ABCD3: variants seen among roughly 807,000 people sequenced by gnomAD.
ABCD3 encodes ATP binding cassette subfamily D member 3, also known as ATP-binding cassette sub-family D member 3.
ABCD3 carries 41 observed loss-of-function variants against 105.5 expected under a neutral mutation model. The observed-to-expected ratio is 0.39, with a 90% CI of 0.30 to 0.50. ABCD3 has a LOEUF of 0.50. Ranked by LOEUF, ABCD3 falls within the 20% of genes least tolerant of loss-of-function variation. ABCD3 has a pLI of 0.84. For synonymous variants in ABCD3, 258 were observed against 269.0 expected (o/e 0.96, Z 0.40); for missense variants, 622 against 806.3 (o/e 0.77, Z 2.77).
chr1:94,501,215 C>CA (rs1465668746), intron 20 of ABCD3, among the ~76,000 whole-genome samples: 1 of 142,342 alleles, frequency 7.0e-6, no homozygotes, highest in Non-Finnish European at 1.5e-5. Context: ...GAGCCAAGAT[C>CA]ATGCCACTAC....
At chr1:94,444,331 CAAAA>C (rs35583952) in intron 1 of ABCD3, among the ~76,000 whole-genome samples, 2 of 93,436 alleles carry the variant, frequency 2.1e-5, no homozygotes, top group Non-Finnish European at 4.0e-5. Flanking sequence ...GACTCCATCT[CAAAA>C]AAAAAAAAAA....
chr1:94,468,899 A>G (rs1648300826), intron 4 of ABCD3, among the ~76,000 whole-genome samples: 1 of 152,196 alleles, frequency 6.6e-6, no homozygotes, highest in East Asian at 1.9e-4. Flanking sequence ...TATAAGGATT[A>G]AAGCCTTGAA....
chr1:94,466,347 A>G (rs2100978293), intron 3 of ABCD3, among the ~76,000 whole-genome samples: 1 of 152,214 alleles, frequency 6.6e-6, no homozygotes, highest in Admixed American at 6.5e-5. Flanking sequence ...TGTTCTCACT[A>G]TATCTTACCT....
chr1:94,456,346 C>T (rs181010097), intron 1 of ABCD3, among the ~76,000 whole-genome samples: 146 of 123,324 alleles, frequency 1.2e-3, no homozygotes, highest in African/African-American at 4.2e-3. Context: ...ACAATCTCAG[C>T]TTGCTGCAAC....
chr1:94,506,924 CATTTAT>C (rs1553174036), intron 21 of ABCD3, among the ~76,000 whole-genome samples: 3 of 151,380 alleles, frequency 2.0e-5, no homozygotes, highest in Non-Finnish European at 4.4e-5. Flanking sequence ...AAAGATATCT[CATTTAT>C]ATATAAATGA....
intron 21 of ABCD3, among the ~76,000 whole-genome samples, chr1:94,509,371 G>C (rs950785588): frequency 2.4e-4 from 37 of 152,164 alleles, no homozygotes; most frequent in Middle Eastern, 3.4e-3. Flanking sequence ...TTTTGATGTG[G>C]TGCTGGATTC....
intron 20 of ABCD3, 123 bp from the exon 21 acceptor site, chr1:94,506,415 T>C: frequency 1.5e-6 from 1 of 648,336 alleles, no homozygotes. Context: ...ATTTTTTGAA[T>C]TAGAATAATT....
At chr1:94,467,803 A>G in intron 3 of ABCD3, 116 bp from the exon 4 acceptor site, 1 of 708,916 alleles carries the variant, frequency 1.4e-6, no homozygotes, top group Non-Finnish European at 2.5e-6. Context: ...TCAGCCAACT[A>G]TATTGAAACT....
chr1:94,453,698 T>C (rs1166963483), intron 1 of ABCD3, among the ~76,000 whole-genome samples: 2 of 151,706 alleles, frequency 1.3e-5, no homozygotes, highest in East Asian at 3.9e-4. Context: ...ATAAGAAGTC[T>C]TTTACCTTTT....
chr1:94,426,070 A>G (rs1659456791), intron 1 of ABCD3, among the ~76,000 whole-genome samples: 1 of 152,220 alleles, frequency 6.6e-6, no homozygotes, highest in Non-Finnish European at 1.5e-5. Flanking sequence ...TATGCTTGCT[A>G]AAAGAAAACT....
rs368494617 is a variant in ABCD3, at chr1:94,487,134, GCATT to G, written c.898-405_898-402del. On this transcript the variant is annotated intron_variant, in intron 10 of 22. Transcript: ENST00000370214. ...ACCATGTGTCTCCACTGAAAGCAAA[GCATT>G]CAGTGCCAATCCGGACAGCTAGTGT... 3.9e-4 allele frequency among the ~76,000 whole-genome samples: 59 copies of G among 152,280 alleles called. 1 individual carries two copies. The East Asian group carries it at 7.5e-3, about 19-fold the overall frequency.
At chr1:94,483,453 G>A (rs1311110615) in intron 10 of ABCD3, among the ~76,000 whole-genome samples, 1 of 152,014 alleles carries the variant, frequency 6.6e-6, no homozygotes, top group African/African-American at 2.4e-5. Flanking sequence ...ATATTCAAGT[G>A]CCCATTTATA....
chr1:94,478,203 G>T lies in ABCD3; in HGVS notation c.628-56G>T. ...ATTTTATAGTTAACATGTTGTATTA[G>T]CTATCATTCTAGTGCTTTAGTTTTA... On this transcript the variant is annotated intron_variant, in intron 7 of 22. Transcript: ENST00000370214. 1.9e-6 allele frequency: 2 copies of T among 1,027,128 alleles called. 1 individual carries two copies. Among genetic ancestry groups the T allele is most frequent in the Middle Eastern group, 6.1e-4 (2 of 3,284 alleles). The allele number at this position is 1,027,128 out of a possible 1,614,324, so 63.6% of individuals were successfully genotyped here. A position where few individuals can be genotyped will look rare whatever the true frequency, so the allele number is the denominator to read the frequency against.
intron 1 of ABCD3, among the ~76,000 whole-genome samples, chr1:94,433,029 T>G (rs1441954890): frequency 1.3e-5 from 2 of 151,508 alleles, no homozygotes. Flanking sequence ...GGCTAATTTT[T>G]GTATTTTCAG....
the ABCD3 span, among the ~76,000 whole-genome samples, chr1:94,392,927 C>A: frequency 6.6e-6 from 1 of 151,616 alleles, no homozygotes. Context: ...TCCTGGCCAA[C>A]ATGGTAAAAC....
At chr1:94,453,166 C>T (rs976972130) in intron 1 of ABCD3, among the ~76,000 whole-genome samples, 1 of 152,150 alleles carries the variant, frequency 6.6e-6, no homozygotes, top group Non-Finnish European at 1.5e-5. Context: ...TATCTGTTCA[C>T]TGGGGGTTTT....
chr1:94,433,682 T>C (rs1407685817), intron 1 of ABCD3, among the ~76,000 whole-genome samples: 1 of 151,498 alleles, frequency 6.6e-6, no homozygotes, highest in Non-Finnish European at 1.5e-5. Context: ...TGTCTGGATC[T>C]GTCGCCTAGG....
the ABCD3 span, among the ~76,000 whole-genome samples, chr1:94,407,606 G>C: frequency 6.6e-6 from 1 of 152,182 alleles, no homozygotes; most frequent in African/African-American, 2.4e-5. Flanking sequence ...AACTGGTTGT[G>C]ATTTGTGTAT....
At chr1:94,456,539 A>G (rs575945724) in intron 1 of ABCD3, among the ~76,000 whole-genome samples, 4 of 151,660 alleles carry the variant, frequency 2.6e-5, no homozygotes, top group South Asian at 4.2e-4. Flanking sequence ...CGGGCTTCCA[A>G]AGTGCTAGGA....
Sources: gnomAD v4.1 joint callset for allele counts (sites outside exome capture counted in the v4.1 genomes callset) on GRCh38, gnomAD v4.1.1 for gene constraint, MANE v1.5 for transcripts, NCBI Gene and HGNC (gene_info 2026-07-23, HGNC 2026-07-21) for gene names.